PCDHGA10: variants seen among roughly 807,000 people sequenced by gnomAD.
PCDHGA10 encodes protocadherin gamma subfamily A, 10, also known as protocadherin gamma-A10.
In PCDHGA10, 42 loss-of-function variants were observed where a neutral mutation model predicts 59.5. The ratio of observed to expected loss-of-function variants is 0.71; its 90% CI spans 0.55 to 0.91. The LOEUF is 0.91. Ranked by LOEUF, PCDHGA10 falls within the 40% of genes least tolerant of loss-of-function variation. PCDHGA10 has a pLI of 0.00. For missense variants in PCDHGA10, 1,111 were observed against 1,198.2 expected, an observed-to-expected ratio of 0.93 and a Z score of 1.07; for synonymous variants, 511 against 517.2, an observed-to-expected ratio of 0.99 and a Z score of 0.16.
At position 141,431,998 on chromosome 5, in the gene PCDHGA10, A is replaced by G. The variant is rs201105272; in HGVS notation, c.2436+16387A>G. The G allele has an allele frequency of 1.2e-6, 2 of 1,614,176 alleles. No homozygotes were observed. Among genetic ancestry groups the G allele is most frequent in the Admixed American group, 1.7e-5 (1 of 60,030 alleles). On this transcript the variant is annotated intron_variant, in intron 1 of 3. Coordinates refer to ENST00000398610, the MANE Select transcript of PCDHGA10 (RefSeq NM_018913.3). This position sits in a 1 kb window ranked among gnomAD's most constrained non-coding sequence, Gnocchi z 4.8. The stretch of plus-strand genomic sequence containing the variant: ...TCACAGACATAGTCTTGGATAGGGA[A>G]CAGGTTCCTAGCTACAACATCACAG...
chr5:141,417,023 T>C (rs2096074487), intron 1 of PCDHGA10: 1 of 139,106 alleles, frequency 7.2e-6, no homozygotes, highest in South Asian at 2.3e-4. Flanking sequence ...TTTTGAAAAA[T>C]ACAGGTTTTT....
chr5:141,468,899 T>C (rs1051519139), intron 1 of PCDHGA10, among the ~76,000 whole-genome samples: 2 of 151,550 alleles, frequency 1.3e-5, no homozygotes, highest in Non-Finnish European at 2.9e-5. Flanking sequence ...GGTACTAATA[T>C]GATCCAGACT....
chr5:141,500,460 C>T (rs1421637554), intron 2 of PCDHGA10, among the ~76,000 whole-genome samples: 2 of 152,234 alleles, frequency 1.3e-5, no homozygotes, highest in South Asian at 2.1e-4. Context: ...CCGCCCGCCT[C>T]GGCCTCCCAA....
At position 141,413,054 on chromosome 5, in the gene PCDHGA10, A is replaced by T; in HGVS notation, c.-122A>T. On this transcript the variant is annotated 5_prime_UTR_variant, in exon 1 of 4. Transcript: ENST00000398610. ...CGGCTGCTGGGCTGCAGGGAAGCTC[A>T]CTCCAGAATTTAAAGTGCCCAGGCT... The T allele has an allele frequency of 1.0e-6, 1 of 981,732 alleles. No individual in the cohort carries two copies. Among genetic ancestry groups the T allele is most frequent in the Non-Finnish European group, 1.5e-6 (1 of 682,496 alleles). The allele number at this position is 981,732 out of a possible 1,614,324, so 60.8% of individuals were successfully genotyped here. A position where few individuals can be genotyped will look rare whatever the true frequency, so the allele number is the denominator to read the frequency against.
intron 1 of PCDHGA10, chr5:141,417,926 C>T (rs779409064): frequency 6.2e-7 from 1 of 1,610,108 alleles, no homozygotes; most frequent in East Asian, 2.2e-5. Context: ...TTTGCTGCTG[C>T]CTTTGTTCTA....
intron 2 of PCDHGA10, among the ~76,000 whole-genome samples, chr5:141,499,686 T>G (rs1400567357): frequency 1.3e-5 from 2 of 149,346 alleles, no homozygotes; most frequent in Non-Finnish European, 3.0e-5. Flanking sequence ...CTTTAACAGA[T>G]GACTTTTTTT....
intron 1 of PCDHGA10, among the ~76,000 whole-genome samples, chr5:141,425,820 C>T (rs978139996): frequency 6.6e-6 from 1 of 152,156 alleles, no homozygotes; most frequent in Admixed American, 6.5e-5. Flanking sequence ...TAGAAAAAAA[C>T]AAACTTTTAA....
chr5:141,477,710 GA>G lies in PCDHGA10; in HGVS notation c.2437-17095del. ...GCCCCTAGACTATGAGGATCGGCGG[GA>G]ATTTGAATTAACAGCTCATATCAGC... On this transcript the variant is annotated intron_variant, in intron 1 of 3. Coordinates refer to ENST00000398610, the MANE Select transcript of PCDHGA10 (RefSeq NM_018913.3). This position sits in a 1 kb window ranked among gnomAD's most constrained non-coding sequence, Gnocchi z 4.9. 2 of 1,613,918 alleles carry G rather than the reference GA, an allele frequency of 1.2e-6. No individual in the cohort carries two copies. Among genetic ancestry groups the G allele is most frequent in the Non-Finnish European group, 1.7e-6 (2 of 1,180,044 alleles).
At chr5:141,492,256 A>G (rs1323720621) in intron 1 of PCDHGA10, among the ~76,000 whole-genome samples, 1 of 151,974 alleles carries the variant, frequency 6.6e-6, no homozygotes, top group Non-Finnish European at 1.5e-5. Context: ...CGGCCCACAC[A>G]AGTTGCACGG....
At chr5:141,488,083 C>T (rs917074240) in intron 1 of PCDHGA10, among the ~76,000 whole-genome samples, 1 of 152,152 alleles carries the variant, frequency 6.6e-6, no homozygotes, top group African/African-American at 2.4e-5. Context: ...GTATCTAGTA[C>T]ACTGTGAAGG....
At position 141,512,967 on chromosome 5, in the gene PCDHGA10, T is replaced by C. The variant is rs2099884538; in HGVS notation, c.*1794T>C. ...CGACAAAAAAATAATAAAACGTTTC[T>C]TCTGAAAAGCTGAACGTTTCTGTAT... On this transcript the variant is annotated 3_prime_UTR_variant, in exon 4 of 4. Transcript: ENST00000398610. The C allele has an allele frequency of 6.6e-6, 1 of 152,260 alleles. No individual in the cohort carries two copies. Among genetic ancestry groups the C allele is most frequent in the South Asian group, 2.1e-4 (1 of 4,832 alleles). The allele number at this position is 152,260 out of a possible 1,614,324, so 9.4% of individuals were successfully genotyped here.
At chr5:141,419,298 A>G in intron 1 of PCDHGA10, 1 of 1,613,988 alleles carries the variant, frequency 6.2e-7, no homozygotes, top group Non-Finnish European at 8.5e-7. Context: ...TCTGACCCAG[A>G]CTTCGGGCTC....
chr5:141,510,880 G>T (rs373993657), intron 3 of PCDHGA10, 67 bp from the exon 4 acceptor site: 1 of 1,611,902 alleles, frequency 6.2e-7, no homozygotes. Context: ...AACTGCTGGG[G>T]ATATAAGACA....
intron 3 of PCDHGA10, among the ~76,000 whole-genome samples, chr5:141,510,553 A>G (rs1471878583): frequency 6.6e-6 from 1 of 152,162 alleles, no homozygotes; most frequent in Non-Finnish European, 1.5e-5. Context: ...TGTTTTGAGC[A>G]CTTACATCTA....
chr5:141,510,834 G>T, intron 3 of PCDHGA10, 113 bp from the exon 4 acceptor site: 1 of 1,581,880 alleles, frequency 6.3e-7, no homozygotes. Flanking sequence ...AGTGCTCAGC[G>T]TGGTCAAGGC....
chr5:141,413,490 G>T lies in PCDHGA10; in HGVS notation c.315G>T (p.Arg105=), dbSNP rs1255775347. ...AGGAGCTCTGCGCTCAGAGCGCGCG[G>T]TGCGTGGTGAGTTTTAATATCCTTG... ...DREELCAQSA[R]CVVSFNILVE... Residue 105 remains arginine (R), a synonymous_variant, in exon 1 of 4, where the codon CGG becomes CGT. Coordinates refer to ENST00000398610, the MANE Select transcript of PCDHGA10 (RefSeq NM_018913.3). 1.2e-6 allele frequency: 2 copies of T among 1,614,070 alleles called. No homozygotes were observed. Among genetic ancestry groups the T allele is most frequent in the Admixed American group, 3.3e-5 (2 of 60,034 alleles).
intron 1 of PCDHGA10, among the ~76,000 whole-genome samples, chr5:141,484,160 T>C (rs1451052819): frequency 2.6e-5 from 4 of 152,210 alleles, no homozygotes; most frequent in African/African-American, 7.2e-5. Flanking sequence ...CACAATGCTG[T>C]TGGTAGCTGA....
intron 1 of PCDHGA10, among the ~76,000 whole-genome samples, chr5:141,430,366 A>G (rs551419486): frequency 3.3e-5 from 5 of 150,370 alleles, no homozygotes; most frequent in Admixed American, 6.7e-5. Context: ...CTCATTGGGG[A>G]AAAAAAAGCT....
At position 141,473,628 on chromosome 5, in the gene PCDHGA10, A is replaced by T. The variant is rs533175704; in HGVS notation, c.2437-21179A>T. The stretch of plus-strand genomic sequence containing the variant: ...AAAGCAAAGGGAGGGAGGAAAAAGC[A>T]GCTTTCCTGGCAAAGGAACAATTTG... On this transcript the variant is annotated intron_variant, in intron 1 of 3. Transcript: ENST00000398610. 4.6e-5 allele frequency among the ~76,000 whole-genome samples: 7 copies of T among 152,334 alleles called. No individual in the cohort carries two copies. In the South Asian group the frequency reaches 1.4e-3, roughly 32 times the overall value.
Sources: gnomAD v4.1 joint callset for allele counts (sites outside exome capture counted in the v4.1 genomes callset) on GRCh38, gnomAD v4.1.1 for gene constraint, Gnocchi (gnomAD v3.1) non-coding constraint, MANE v1.5 for transcripts, NCBI Gene and HGNC (gene_info 2026-07-23, HGNC 2026-07-21) for gene names.